Variants in ROBO1 observed in about 807,000 individuals in gnomAD.
ROBO1 encodes roundabout guidance receptor 1, also known as roundabout homolog 1.
ROBO1 carries 149 observed loss-of-function variants against 195.9 expected under a neutral mutation model. That is an observed-to-expected ratio of 0.76 (90% confidence interval 0.67 to 0.87). The LOEUF (loss-of-function observed/expected upper bound fraction) is 0.87. ROBO1 is among the 40% of genes least tolerant of loss of function. ROBO1 has a pLI of 0.00. For synonymous variants in ROBO1, 816 were observed against 733.2 expected (o/e 1.11, Z -1.82); for missense variants, 1,933 against 2,068.3 (o/e 0.93, Z 1.27).
intron 2 of ROBO1, among the ~76,000 whole-genome samples, chr3:79,562,875 G>C (rs1054362221): frequency 4.6e-5 from 7 of 151,916 alleles, no homozygotes; most frequent in Non-Finnish European, 8.8e-5. Context: ...ATGTACCTCA[G>C]ATAATTTATT....
chr3:79,129,529 C>A (rs2080284448), intron 2 of ROBO1, among the ~76,000 whole-genome samples: 1 of 151,990 alleles, frequency 6.6e-6, no homozygotes, highest in South Asian at 2.1e-4. Context: ...GAAATAAACA[C>A]CTATATCTTC....
At chr3:79,732,514 T>C (rs1200628455) in intron 1 of ROBO1, among the ~76,000 whole-genome samples, 1 of 152,138 alleles carries the variant, frequency 6.6e-6, no homozygotes, top group Non-Finnish European at 1.5e-5. Context: ...TCTGTTCCCA[T>C]TCTCAGCCAA....
At chr3:78,681,600 C>T (rs2080910546) in intron 10 of ROBO1, among the ~76,000 whole-genome samples, 1 of 152,152 alleles carries the variant, frequency 6.6e-6, no homozygotes, top group African/African-American at 2.4e-5. Context: ...AAACAACGTG[C>T]AGAAGACTTA....
chr3:78,939,345 G>T (rs897995215), intron 3 of ROBO1, among the ~76,000 whole-genome samples: 117 of 152,020 alleles, frequency 7.7e-4, no homozygotes, highest in African/African-American at 2.5e-3. Flanking sequence ...CCCGGCGCGG[G>T]GGCTCACGCC....
At chr3:78,729,304 T>A (rs1238396069) in intron 5 of ROBO1, among the ~76,000 whole-genome samples, 1 of 152,210 alleles carries the variant, frequency 6.6e-6, no homozygotes, top group South Asian at 2.1e-4. Flanking sequence ...AAGGAAAGGA[T>A]GATTTTCTTT....
In ROBO1 at chr3:78,633,257, C is replaced by T. The variant is rs376528593; in HGVS notation, c.3481+678G>A. Among the ~76,000 whole-genome samples, 39 of 152,256 alleles carry T rather than the reference C, an allele frequency of 2.6e-4. 1 individual carries two copies. Among genetic ancestry groups the T allele is most frequent in the African/African-American group, 6.3e-4 (26 of 41,560 alleles). On this transcript the variant is annotated intron_variant, in intron 24 of 30. Coordinates refer to ENST00000464233, the MANE Select transcript of ROBO1 (RefSeq NM_002941.4). ...ATGTGCCACATGTTAGTTCTAATAA[C>T]GAACTGCCTTTAATTAGAAAAACAG... is the stretch of plus-strand genomic sequence containing the variant.
rs541773557 is a variant in ROBO1, at chr3:79,062,152, G to A, written c.172+63304C>T. Among the ~76,000 whole-genome samples the A allele has an allele frequency of 2.8e-3, 421 of 150,814 alleles. 1 individual carries two copies. Among genetic ancestry groups the A allele is most frequent in the African/African-American group, 9.4e-3 (389 of 41,202 alleles). ...CTACACAGAACTTAAATAAATTAAC[G>A]AGAAAAAAAACAAACCCATCAAAAA... On this transcript the variant is annotated intron_variant, in intron 3 of 30. Transcript: ENST00000464233.
chr3:79,159,950 G>A (rs902904458), intron 2 of ROBO1, among the ~76,000 whole-genome samples: 2 of 151,984 alleles, frequency 1.3e-5, no homozygotes, highest in African/African-American at 4.8e-5. Flanking sequence ...GCAAAGGCTA[G>A]AGCTAACGTA....
chr3:78,927,220 T>C (rs769445470), intron 4 of ROBO1, among the ~76,000 whole-genome samples: 1 of 152,126 alleles, frequency 6.6e-6, no homozygotes, highest in African/African-American at 2.4e-5. Flanking sequence ...TATTCTTCAA[T>C]ATAGGACAGA....
intron 28 of ROBO1, among the ~76,000 whole-genome samples, chr3:78,610,529 T>C (rs1014343171): frequency 2.0e-5 from 3 of 152,068 alleles, no homozygotes; most frequent in African/African-American, 7.2e-5. Flanking sequence ...TAAACTTAAA[T>C]TGGATTGCGA....
chr3:79,447,436 T>C (rs1029950647), intron 2 of ROBO1, among the ~76,000 whole-genome samples: 2 of 152,178 alleles, frequency 1.3e-5, no homozygotes, highest in Non-Finnish European at 2.9e-5. Context: ...CCAATGCATA[T>C]TTAGCTTCTA....
At chr3:79,069,357 C>G (rs958660353) in intron 3 of ROBO1, among the ~76,000 whole-genome samples, 13 of 151,742 alleles carry the variant, frequency 8.6e-5, no homozygotes, top group African/African-American at 2.9e-4. Flanking sequence ...TTTTGATGTA[C>G]TTGGATTAAC....
At chr3:79,333,319 T>G (rs1402515807) in intron 2 of ROBO1, among the ~76,000 whole-genome samples, 1 of 152,174 alleles carries the variant, frequency 6.6e-6, no homozygotes, top group African/African-American at 2.4e-5. Context: ...GTCTTTGATT[T>G]AAAACACATG....
intron 3 of ROBO1, among the ~76,000 whole-genome samples, chr3:78,953,346 T>C (rs563241931): frequency 6.7e-6 from 1 of 150,108 alleles, no homozygotes; most frequent in South Asian, 2.1e-4. Context: ...TGAAGAATTT[T>C]ACTTTCTGTA....
At chr3:79,530,123 T>C (rs533418666) in intron 2 of ROBO1, among the ~76,000 whole-genome samples, 4 of 152,162 alleles carry the variant, frequency 2.6e-5, no homozygotes, top group Non-Finnish European at 5.9e-5. Flanking sequence ...TAATAACACA[T>C]AATAAAACAT....
At chr3:79,427,591 A>G (rs2038499084) in intron 2 of ROBO1, among the ~76,000 whole-genome samples, 1 of 152,170 alleles carries the variant, frequency 6.6e-6, no homozygotes, top group Non-Finnish European at 1.5e-5. Context: ...GCATAAAGTC[A>G]GACATAGACC....
intron 3 of ROBO1, among the ~76,000 whole-genome samples, chr3:79,070,411 A>G (rs1230601456): frequency 6.6e-6 from 1 of 151,944 alleles, no homozygotes; most frequent in Non-Finnish European, 1.5e-5. Flanking sequence ...ACTTTGTAAA[A>G]TAGAGTATTT....
chr3:79,491,828 A>C (rs1939472745), intron 2 of ROBO1, among the ~76,000 whole-genome samples: 1 of 150,898 alleles, frequency 6.6e-6, no homozygotes, highest in Non-Finnish European at 1.5e-5. Context: ...ATCTGAGTGG[A>C]CCAATGACCT....
intron 3 of ROBO1, among the ~76,000 whole-genome samples, chr3:78,944,329 A>G (rs1560029429): frequency 3.3e-5 from 5 of 152,242 alleles, no homozygotes; most frequent in Non-Finnish European, 7.3e-5. Context: ...GCTTACTTTT[A>G]AAATATAGAT....
Sources: allele counts gnomAD v4.1 joint callset (sites outside exome capture counted in the v4.1 genomes callset), GRCh38; gene constraint gnomAD v4.1.1; transcripts MANE v1.5; gene names NCBI Gene and HGNC (gene_info 2026-07-23, HGNC 2026-07-21).